OR4E2: variants seen among roughly 807,000 people sequenced by gnomAD.
OR4E2 encodes the protein olfactory receptor 4E2.
A neutral mutation model predicts 11.0 loss-of-function variants in OR4E2; 9 were observed. The ratio of observed to expected loss-of-function variants is 0.82; its 90% CI spans 0.49 to 1.43. The LOEUF (loss-of-function observed/expected upper bound fraction) is 1.43, where lower values mean the gene tolerates loss of function less well. Among genes scored for constraint, OR4E2 ranks in the 40% most tolerant of loss-of-function variants. OR4E2 has a pLI of 0.00. For missense variants in OR4E2, 441 were observed against 382.0 expected, an observed-to-expected ratio of 1.15 and a Z score of -1.29; for synonymous variants, 159 against 147.3, an observed-to-expected ratio of 1.08 and a Z score of -0.57.
Position 21,665,686 on chromosome 14 carries a change from A to C in OR4E2, c.604A>C (p.Asn202His). Residue 202 changes from asparagine (N) to histidine (H), a missense_variant, in exon 4 of 4, where the codon AAT becomes CAT. By Grantham distance (68) the Asn-to-His change is moderately conservative. Transcript: ENST00000641524. ...TYLTGILIVT[N>H]SGTISLSCFL... The stretch of plus-strand genomic sequence containing the variant: ...CCTCACAGGAATACTGATTGTGACC[A>C]ATAGTGGAACCATCTCCCTCTCCTG... 6.2e-7 allele frequency: 1 copy of C among 1,614,108 alleles called. No individual in the cohort carries two copies. Among genetic ancestry groups the C allele is most frequent in the South Asian group, 1.1e-5 (1 of 91,064 alleles).
chr14:21,662,608 A>G (rs1168768599), intron 3 of OR4E2, among the ~76,000 whole-genome samples: 5 of 152,064 alleles, frequency 3.3e-5, no homozygotes, highest in Non-Finnish European at 7.4e-5. Context: ...CTGGCATTAT[A>G]TATTTTAAAT....
chr14:21,659,339 T>C (rs984430988), intron 2 of OR4E2, among the ~76,000 whole-genome samples: 2 of 152,228 alleles, frequency 1.3e-5, no homozygotes, highest in African/African-American at 4.8e-5. Context: ...TGTCCTACTT[T>C]TAAAACATTA....
intron 2 of OR4E2, among the ~76,000 whole-genome samples, chr14:21,658,471 C>G (rs79818299): frequency 1.5e-3 from 221 of 152,274 alleles, no homozygotes; most frequent in African/African-American, 5.0e-3. Context: ...GCAAAAGGAG[C>G]CTTCTCTAAG....
chr14:21,659,867 T>C (rs1201722076), intron 2 of OR4E2, among the ~76,000 whole-genome samples: 1 of 151,856 alleles, frequency 6.6e-6, no homozygotes, highest in African/African-American at 2.4e-5. Context: ...ATAAGTGAAT[T>C]ATACAGTATA....
Position 21,665,484 on chromosome 14 carries a change from T to A in OR4E2, c.402T>A (p.Asn134Lys), listed in dbSNP as rs762887830. Reference sequence around the variant, plus strand: ...TCTGCACTCCACTCCACTACCCCAATGTGATGAACATGAGAGTCTGTATAC... The same window carrying A: ...TCTGCACTCCACTCCACTACCCCAAAGTGATGAACATGAGAGTCTGTATAC... ...VAICTPLHYP[N>K]VMNMRVCIQL... Residue 134 changes from asparagine to lysine, a missense_variant, in exon 4 of 4, where the codon AAT (asparagine) becomes AAA (lysine). Coordinates refer to ENST00000641524, the MANE Select transcript of OR4E2 (RefSeq NM_001001912.3). The A allele has an allele frequency of 8.1e-6, 13 of 1,614,036 alleles. No homozygotes were observed. Among genetic ancestry groups the A allele is most frequent in the Admixed American group, 3.3e-5 (2 of 59,996 alleles).
intron 1 of OR4E2, among the ~76,000 whole-genome samples, chr14:21,655,752 C>T (rs1879908230): frequency 1.3e-5 from 2 of 152,052 alleles, no homozygotes; most frequent in African/African-American, 4.8e-5. Flanking sequence ...TAAAAGTGTG[C>T]TTTCTATTAA....
intron 2 of OR4E2, among the ~76,000 whole-genome samples, chr14:21,657,445 TTC>T (rs1880048895): frequency 2.8e-4 from 1 of 3,596 alleles, no homozygotes; most frequent in African/African-American, 7.6e-4. Flanking sequence ...CTTTCTTTCC[TTC>T]CTTCCTTCCT....
In OR4E2 at chr14:21,665,450, AC is replaced by A. The variant is rs1880588166; in HGVS notation, c.369del (p.Tyr123Ter). 6.2e-7 allele frequency: 1 copy of A among 1,614,078 alleles called. No homozygotes were observed. Among genetic ancestry groups the A allele is most frequent in the Non-Finnish European group, 8.5e-7 (1 of 1,179,990 alleles). ...FLLIIMAYDR[Y>X]VAICTPLHYP... ...CTGATCATTATGGCGTATGATCGTT[AC>A]GTGGCTATCTGCACTCCACTCCACT... On this transcript the variant is annotated frameshift_variant, in exon 4 of 4. Coordinates refer to ENST00000641524, the MANE Select transcript of OR4E2 (RefSeq NM_001001912.3). LOFTEE classifies it high-confidence loss of function.
In OR4E2 at chr14:21,667,154, G is replaced by C. The variant is rs935139519; in HGVS notation, c.*1130G>C. ...AATATCAACTTTAATGGAGCTGATG[G>C]AATGAAATGAAATATGGTTAATAAT... On this transcript the variant is annotated 3_prime_UTR_variant, in exon 4 of 4. Transcript: ENST00000641524. 1.3e-5 allele frequency: 2 copies of C among 152,082 alleles called. No homozygotes were observed. The highest frequency in any genetic ancestry group is 2.9e-5 in the Non-Finnish European group (2 of 68,018). The allele number at this position is 152,082 out of a possible 1,614,324, so 9.4% of individuals were successfully genotyped here. A position where few individuals can be genotyped will look rare whatever the true frequency, so the allele number is the denominator to read the frequency against.
intron 2 of OR4E2, among the ~76,000 whole-genome samples, chr14:21,659,523 G>C (rs895608887): frequency 2.0e-5 from 3 of 150,340 alleles, no homozygotes; most frequent in African/African-American, 7.3e-5. Flanking sequence ...GGTTAAGAAC[G>C]TAGGCTCTGA....
In OR4E2 at chr14:21,653,858, A is replaced by C. The variant is rs1284321065; in HGVS notation, c.-272A>C. ...AAAATTTACCCTGTGCAGAATTTTG[A>C]GTTTCATGATTTTATATCCTAGGCT... On this transcript the variant is annotated 5_prime_UTR_variant, in exon 1 of 4. Transcript: ENST00000641524. 1 of 152,198 alleles carries C rather than the reference A, an allele frequency of 6.6e-6. No homozygotes were observed. Among genetic ancestry groups the C allele is most frequent in the Non-Finnish European group, 1.5e-5 (1 of 68,038 alleles). 9.4% of individuals were successfully genotyped at this position (152,198 alleles called of 1,614,324 possible).
Position 21,667,572 on chromosome 14 carries a change from A to G in OR4E2, c.*1548A>G, listed in dbSNP as rs980800850. ...ACTTGAGTCATAGTAAGAGTTTTAG[A>G]TATCTATGATGAAATGAAGTCCAGA... On this transcript the variant is annotated 3_prime_UTR_variant, in exon 4 of 4. Coordinates refer to ENST00000641524, the MANE Select transcript of OR4E2 (RefSeq NM_001001912.3). 6 of 152,202 alleles carry G rather than the reference A, an allele frequency of 3.9e-5. No homozygotes were observed. Among genetic ancestry groups the G allele is most frequent in the Admixed American group, 3.9e-4 (6 of 15,276 alleles). The allele number at this position is 152,202 out of a possible 1,614,324, so 9.4% of individuals were successfully genotyped here. A position where few individuals can be genotyped will look rare whatever the true frequency, so the allele number is the denominator to read the frequency against.
intron 3 of OR4E2, among the ~76,000 whole-genome samples, chr14:21,661,862 G>A (rs1880347071): frequency 6.6e-6 from 1 of 152,046 alleles, no homozygotes. Flanking sequence ...TTAGTTACCA[G>A]TTTCTTTATT....
chr14:21,665,825 C>A lies in OR4E2; in HGVS notation c.743C>A (p.Ala248Asp), dbSNP rs888403685. The A allele has an allele frequency of 1.9e-6, 3 of 1,612,628 alleles. No individual in the cohort carries two copies. In the African/African-American group the frequency reaches 4.0e-5, roughly 22 times the overall value. Residue 248 changes from alanine to aspartate, a missense_variant, in exon 4 of 4, where the codon GCC (alanine) becomes GAC (aspartate). Physicochemically the swap from Ala to Asp is moderately radical, Grantham distance 126 (BLOSUM62 -2). Transcript: ENST00000641524. Reference protein sequence around the residue: ...STCSAHFMVVALFFGPCIFIY... With the variant: ...STCSAHFMVVDLFFGPCIFIY... ...TGCTCGGCCCACTTCATGGTGGTTG[C>A]CCTCTTCTTTGGGCCATGTATCTTC...
intron 3 of OR4E2, among the ~76,000 whole-genome samples, chr14:21,664,101 C>T (rs1880489570): frequency 6.6e-6 from 1 of 152,122 alleles, no homozygotes; most frequent in Admixed American, 6.6e-5. Flanking sequence ...AATTTATTTT[C>T]CTTTGGTTAT....
chr14:21,665,860 C>T lies in OR4E2; in HGVS notation c.778C>T (p.Arg260Trp), dbSNP rs370388172. 2.2e-5 allele frequency: 35 copies of T among 1,609,002 alleles called. No homozygotes were observed. Among genetic ancestry groups the T allele is most frequent in the Non-Finnish European group, 2.4e-5 (28 of 1,177,444 alleles). Residue 260 changes from arginine to tryptophan, a missense_variant, in exon 4 of 4, where the codon CGG becomes TGG. By Grantham distance (101) the Arg-to-Trp change is moderately radical (BLOSUM62 -3). Coordinates refer to ENST00000641524, the MANE Select transcript of OR4E2 (RefSeq NM_001001912.3). Reference protein sequence around the residue: ...FFGPCIFIYTRPDTSFSIDKV... With the variant: ...FFGPCIFIYTWPDTSFSIDKV... ...TGGGCCATGTATCTTCATCTATACT[C>T]GGCCAGACACCAGCTTCTCCATTGA...
At chr14:21,655,644 G>A (rs1879900599) in intron 1 of OR4E2, among the ~76,000 whole-genome samples, 1 of 152,114 alleles carries the variant, frequency 6.6e-6, no homozygotes, top group Non-Finnish European at 1.5e-5. Flanking sequence ...TTGTATTACA[G>A]CCTGGGTGAC....
At position 21,667,544 on chromosome 14, in the gene OR4E2, A is replaced by G. The variant is rs1472389134; in HGVS notation, c.*1520A>G. ...GGTCAGTCCCCTATAATTCTCATAT[A>G]AAACTTGAGTCATAGTAAGAGTTTT... On this transcript the variant is annotated 3_prime_UTR_variant, in exon 4 of 4. Transcript: ENST00000641524. The G allele has an allele frequency of 6.6e-6, 1 of 152,212 alleles. No homozygotes were observed. The highest frequency in any genetic ancestry group is 2.4e-5 in the African/African-American group (1 of 41,464). 9.4% of individuals were successfully genotyped at this position (152,212 alleles called of 1,614,324 possible).
In OR4E2 at chr14:21,666,884, GT is replaced by G. The variant is rs1340098710; in HGVS notation, c.*864del. On this transcript the variant is annotated 3_prime_UTR_variant, in exon 4 of 4. Coordinates refer to ENST00000641524, the MANE Select transcript of OR4E2 (RefSeq NM_001001912.3). ...TTTTTATATGTTTAGTAGAGATGAGGTTTTACCACGTTGGCCAGGCTGGTCT... is the reference window on the plus strand; with the variant it reads ...TTTTTATATGTTTAGTAGAGATGAGGTTTACCACGTTGGCCAGGCTGGTCT... The G allele has an allele frequency of 6.6e-6, 1 of 151,984 alleles. No homozygotes were observed. Among genetic ancestry groups the G allele is most frequent in the African/African-American group, 2.4e-5 (1 of 41,342 alleles). 9.4% of individuals were successfully genotyped at this position (151,984 alleles called of 1,614,324 possible).
Sources: allele counts gnomAD v4.1 joint callset (sites outside exome capture counted in the v4.1 genomes callset), GRCh38; gene constraint gnomAD v4.1.1; transcripts MANE v1.5; gene names NCBI Gene and HGNC (gene_info 2026-07-23, HGNC 2026-07-21).